The following SPTBN4 variants were observed in gnomAD, a reference collection of about 807,000 sequenced individuals.
The protein encoded by SPTBN4 is spectrin beta chain, non-erythrocytic 4.
SPTBN4 carries 96 observed loss-of-function variants against 277.8 expected under a neutral mutation model. That is an observed-to-expected ratio of 0.35 (90% CI 0.29 to 0.41). The LOEUF is 0.41. Among genes scored for constraint, SPTBN4 ranks in the 10% least tolerant of loss-of-function variants. The probability of loss-of-function intolerance (pLI) is 1.00; values close to 1 mark genes in which losing one functional copy is unlikely to be tolerated. For missense variants in SPTBN4, 3,006 were observed against 3,595.7 expected (o/e 0.84, Z 4.19); for synonymous variants, 1,481 against 1,580.3 (o/e 0.94, Z 1.49).
At chr19:40,572,229 G>C (rs756100574) in intron 34 of SPTBN4, 37 bp downstream of exon 34, 1 of 1,596,988 alleles carries the variant, frequency 6.3e-7, no homozygotes, top group East Asian at 2.2e-5. Flanking sequence ...GGGATCCAAG[G>C]CTCAGCTTCA....
chr19:40,478,751 T>C (rs548493590), intron 2 of SPTBN4, among the ~76,000 whole-genome samples: 21 of 152,278 alleles, frequency 1.4e-4, no homozygotes, highest in African/African-American at 4.8e-4. Context: ...TTCACCATGT[T>C]GGCCAGGCTG....
chr19:40,568,119 C>T lies in SPTBN4; in HGVS notation c.6793C>T (p.Arg2265Trp), dbSNP rs1240879296. 5 of 1,572,084 alleles carry T rather than the reference C, an allele frequency of 3.2e-6. No homozygotes were observed. In the Admixed American group the frequency reaches 5.7e-5, roughly 18 times the overall value. ...VDQSEEAARRRRPERQESAEH... is the reference protein window; with the variant it reads ...VDQSEEAARRWRPERQESAEH... ...TCAATCCGAGGAGGCTGCGCGGAGG[C>T]GGCGGCCGGAGCGGCAGGAGTCAGC... Residue 2265 changes from arginine to tryptophan, a missense_variant, in exon 31 of 36, where the codon CGG (arginine) becomes TGG (tryptophan). Transcript: ENST00000598249.
intron 27 of SPTBN4, among the ~76,000 whole-genome samples, chr19:40,563,668 C>T (rs763484445): frequency 5.7e-5 from 8 of 140,380 alleles, no homozygotes; most frequent in African/African-American, 1.3e-4. Context: ...AAGCGGAGAT[C>T]GCACCACTGC....
intron 13 of SPTBN4, 123 bp downstream of exon 13, chr19:40,506,509 A>G (rs1465065038): frequency 7.2e-7 from 1 of 1,380,030 alleles, no homozygotes; most frequent in South Asian, 1.5e-5. Context: ...GCATTTAAGC[A>G]GAGCCTAAGA....
rs2079834711 is a variant in SPTBN4 at position 40,467,252 on chromosome 19, GCGGT to G, written c.-62_-59del. On this transcript the variant is annotated 5_prime_UTR_variant, in exon 1 of 36. Transcript: ENST00000598249. ...CGGGCAGCGGACGCCGACAGGGAGG[GCGGT>G]CGGTCGCGGCGAGCAGCGGAGACAG... 1 of 152,060 alleles carries G rather than the reference GCGGT, an allele frequency of 6.6e-6. No individual in the cohort carries two copies. The highest frequency in any genetic ancestry group is 1.5e-5 in the Non-Finnish European group (1 of 67,838). The allele number at this position is 152,060 out of a possible 1,614,324, so 9.4% of individuals were successfully genotyped here. A position where few individuals can be genotyped will look rare whatever the true frequency, so the allele number is the denominator to read the frequency against.
At chr19:40,521,314 G>A (rs1402981142) in intron 16 of SPTBN4, among the ~76,000 whole-genome samples, 4 of 152,196 alleles carry the variant, frequency 2.6e-5, no homozygotes, top group Non-Finnish European at 5.9e-5. Flanking sequence ...TTTTCAGGAT[G>A]ATTCAAGCGA....
intron 13 of SPTBN4, among the ~76,000 whole-genome samples, chr19:40,511,377 C>T (rs2080389425): frequency 6.6e-6 from 1 of 152,164 alleles, no homozygotes; most frequent in Non-Finnish European, 1.5e-5. Flanking sequence ...CATTGCACTC[C>T]AGCCCAGGCG....
rs577842636 is a variant in SPTBN4, at chr19:40,554,569, C to T, written c.5007C>T (p.Gly1669=). The part of the protein sequence containing the change: ...LLKKHLQLEQ[G]VENYEESIAQ... ...AGAAACACCTGCAGCTGGAGCAAGG[C>T]GTGGAGAACTACGAGGAAAGCATCG... Residue 1669 remains glycine, a synonymous_variant, in exon 24 of 36, where the codon GGC becomes GGT. Transcript: ENST00000598249. This position sits in a 1 kb window ranked among gnomAD's most constrained non-coding sequence, Gnocchi z 5.7. 1.3e-5 allele frequency: 20 copies of T among 1,523,612 alleles called. No homozygotes were observed. The highest frequency in any genetic ancestry group is 3.5e-4 in the Middle Eastern group (2 of 5,736). The allele number at this position is 1,523,612 out of a possible 1,614,324, so 94.4% of individuals were successfully genotyped here. A position where few individuals can be genotyped will look rare whatever the true frequency, so the allele number is the denominator to read the frequency against.
chr19:40,488,791 C>T (rs1320685457), intron 3 of SPTBN4, among the ~76,000 whole-genome samples: 3 of 152,066 alleles, frequency 2.0e-5, no homozygotes, highest in African/African-American at 4.8e-5. Flanking sequence ...GCCTGGGCGA[C>T]AAAGCGAGAC....
rs569793182 is a variant in SPTBN4 at position 40,564,397 on chromosome 19, T to G, written c.5916-1026T>G. ...TACATTAACTCCACAAAATCTGGTGTGCATTTTACACTTTACACCAAAATT... is the reference window on the plus strand; with the variant it reads ...TACATTAACTCCACAAAATCTGGTGGGCATTTTACACTTTACACCAAAATT... On this transcript the variant is annotated intron_variant, in intron 27 of 35. Coordinates refer to ENST00000598249, the MANE Select transcript of SPTBN4 (RefSeq NM_020971.3). Among the ~76,000 whole-genome samples the G allele has an allele frequency of 7.2e-5, 11 of 152,352 alleles. No homozygotes were observed. The East Asian group carries it at 2.1e-3, about 29-fold the overall frequency.
At chr19:40,542,381 C>G (rs563357182) in intron 20 of SPTBN4, among the ~76,000 whole-genome samples, 1 of 152,190 alleles carries the variant, frequency 6.6e-6, no homozygotes, top group Non-Finnish European at 1.5e-5. Context: ...AGAATCCTCT[C>G]TCGGGGCCTG....
At chr19:40,495,103 C>T in intron 6 of SPTBN4, 126 bp downstream of exon 6, 1 of 801,450 alleles carries the variant, frequency 1.2e-6, no homozygotes, top group Non-Finnish European at 2.0e-6. Flanking sequence ...TTCACCTCTA[C>T]ACACACATAC....
At chr19:40,526,167 C>CT (rs1168105162) in intron 17 of SPTBN4, among the ~76,000 whole-genome samples, 33,211 of 93,242 alleles carry the variant, frequency 0.36, 6,936 homozygotes, top group Non-Finnish European at 0.41. Context: ...AGGTGCTGTT[C>CT]TTTTTTTTTT....
At chr19:40,544,168 G>A (rs1163015950) in intron 20 of SPTBN4, among the ~76,000 whole-genome samples, 1 of 134,988 alleles carries the variant, frequency 7.4e-6, no homozygotes, top group Non-Finnish European at 1.6e-5. Flanking sequence ...TTGAGACTGA[G>A]TTTCGCTCTT....
intron 20 of SPTBN4, among the ~76,000 whole-genome samples, chr19:40,535,468 A>G (rs112443598): frequency 3.3e-5 from 5 of 152,066 alleles, no homozygotes; most frequent in African/African-American, 1.2e-4. Flanking sequence ...CAAATAGCAA[A>G]GCCTGGATTT....
In SPTBN4 at chr19:40,523,656, C is replaced by A. The variant is rs768037148; in HGVS notation, c.3857+17C>A. On this transcript the variant is annotated intron_variant, in intron 17 of 35. Transcript: ENST00000598249. ...GCTGGAGAAGTAGGTCCCCTAGACC[C>A]ATCCACCCCAGGGAGGGGGCAGAAG... is the stretch of plus-strand genomic sequence containing the variant. 6 of 1,592,166 alleles carry A rather than the reference C, an allele frequency of 3.8e-6. No homozygotes were observed. In the African/African-American group the frequency reaches 8.0e-5, roughly 21 times the overall value.
rs149982216 is a variant in SPTBN4, at chr19:40,557,322, G to C, written c.5589G>C (p.Pro1863=). ...GGCGGCTGCCCCGCCTGACCACCCC[G>C]CCTGAGCCGAGACCCAGTGCCAGTT... The part of the protein sequence containing the change: ...KRRRLPRLTT[P]PEPRPSASSM... Residue 1863 remains proline (P), a synonymous_variant, in exon 26 of 36, where the codon CCG becomes CCC. Coordinates refer to ENST00000598249, the MANE Select transcript of SPTBN4 (RefSeq NM_020971.3). 5.9e-4 allele frequency: 950 copies of C among 1,613,116 alleles called. 1 individual carries two copies. The highest frequency in any genetic ancestry group is 7.7e-4 in the Non-Finnish European group (910 of 1,179,720).
At chr19:40,568,322 G>A (rs1226096890) in intron 31 of SPTBN4, 40 bp downstream of exon 31, 3 of 1,547,428 alleles carry the variant, frequency 1.9e-6, no homozygotes. Flanking sequence ...GAGGGGAGGG[G>A]AAAGCGGAGA....
chr19:40,565,798 C>T (rs1362712833), intron 29 of SPTBN4, 53 bp downstream of exon 29: 2 of 1,531,806 alleles, frequency 1.3e-6, no homozygotes, highest in Non-Finnish European at 8.8e-7. Context: ...CATGCTCCAG[C>T]CTGTCCAGCC....
Sources: allele counts gnomAD v4.1 joint callset (sites outside exome capture counted in the v4.1 genomes callset), GRCh38; gene constraint gnomAD v4.1.1; non-coding constraint Gnocchi (gnomAD v3.1); transcripts MANE v1.5; gene names NCBI Gene and HGNC (gene_info 2026-07-23, HGNC 2026-07-21).